The following TFG variants were observed in gnomAD, a reference collection of about 807,000 sequenced individuals.
TFG encodes the protein trafficking from ER to golgi regulator.
In TFG, 22 loss-of-function variants were observed where a neutral mutation model predicts 51.4. That is an observed-to-expected ratio of 0.43 (90% CI 0.31 to 0.61). TFG has a LOEUF of 0.61. Among genes scored for constraint, TFG ranks in the 20% least tolerant of loss-of-function variants. The pLI, the probability that TFG is intolerant of heterozygous loss-of-function variation, is 0.12. For synonymous variants in TFG, 187 were observed against 165.6 expected (o/e 1.13, Z -0.99); for missense variants, 419 against 487.7 (o/e 0.86, Z 1.33).
chr3:100,736,893 A>C (rs546337896), intron 6 of TFG, among the ~76,000 whole-genome samples, 177 bp downstream of exon 6: 2 of 152,302 alleles, frequency 1.3e-5, no homozygotes, highest in East Asian at 3.9e-4. Flanking sequence ...GTATGTTTCC[A>C]ATTATTGGAA....
At position 100,744,902 on chromosome 3, in the gene TFG, A is replaced by G; in HGVS notation, c.791A>G (p.Gln264Arg). The change falls in exon 7 of 8, where the codon CAG becomes CGG. Residue 264 changes from glutamine (Q) to arginine (R), a missense_variant. Transcript: ENST00000240851. ...CAGCAGCCGCAGGCTCCACCTCAGC[A>G]GCCTCAACAGTATGGTATTCAGTAT... The part of the protein sequence containing the change: ...GAQQPQAPPQ[Q>R]PQQYGIQYSA... 2 of 1,613,614 alleles carry G rather than the reference A, an allele frequency of 1.2e-6. No homozygotes were observed. Among genetic ancestry groups the G allele is most frequent in the Non-Finnish European group, 1.7e-6 (2 of 1,179,632 alleles).
At chr3:100,713,619 A>T in intron 1 of TFG, 24 bp from the exon 2 acceptor site, 1 of 1,207,356 alleles carries the variant, frequency 8.3e-7, no homozygotes, top group Non-Finnish European at 1.1e-6. Flanking sequence ...TTTGTTGTTT[A>T]ATTATCAAAA....
intron 3 of TFG, among the ~76,000 whole-genome samples, chr3:100,722,834 T>C (rs1447696999): frequency 1.3e-5 from 2 of 152,258 alleles, no homozygotes; most frequent in Admixed American, 6.5e-5. Context: ...TTACCACTCA[T>C]GGACCCTTGT....
chr3:100,733,768 G>C (rs2095098293), intron 5 of TFG, among the ~76,000 whole-genome samples: 1 of 152,154 alleles, frequency 6.6e-6, no homozygotes, highest in Non-Finnish European at 1.5e-5. Flanking sequence ...GATCTAGCAG[G>C]GAGTTGATTT....
intron 3 of TFG, among the ~76,000 whole-genome samples, chr3:100,722,284 G>C (rs1395532422): frequency 6.6e-6 from 1 of 152,208 alleles, no homozygotes; most frequent in Non-Finnish European, 1.5e-5. Context: ...AATACTAAGT[G>C]GATAGGTTAA....
At chr3:100,709,838 G>C (rs575881992) in intron 1 of TFG, 117 bp downstream of exon 1, 2,032 of 141,696 alleles carry the variant, frequency 0.014, 25 homozygotes, top group South Asian at 0.026. Context: ...GGCACTGTGG[G>C]AAGGGGCTGG....
chr3:100,724,967 G>A (rs1252659791), intron 3 of TFG, among the ~76,000 whole-genome samples: 4 of 152,162 alleles, frequency 2.6e-5, no homozygotes, highest in African/African-American at 9.7e-5. Flanking sequence ...GCAGTGGTGC[G>A]ATCTCAGCTC....
intron 1 of TFG, chr3:100,710,187 C>G (rs1021168236): frequency 3.3e-5 from 5 of 152,184 alleles, no homozygotes; most frequent in African/African-American, 1.2e-4. Flanking sequence ...GAATCGGAGC[C>G]TAGTTCCTTG....
chr3:100,723,627 T>G (rs552679536), intron 3 of TFG, among the ~76,000 whole-genome samples: 2 of 152,164 alleles, frequency 1.3e-5, no homozygotes, highest in Admixed American at 1.3e-4. Context: ...GTAGTAATAG[T>G]CACTTTATGA....
intron 7 of TFG, among the ~76,000 whole-genome samples, chr3:100,746,223 C>T (rs1008866410): frequency 7.9e-5 from 12 of 152,086 alleles, no homozygotes; most frequent in Admixed American, 4.6e-4. Context: ...CATTTAATCT[C>T]GGGATTTCGG....
chr3:100,743,020 C>G (rs2095125493), intron 6 of TFG: 1 of 152,062 alleles, frequency 6.6e-6, no homozygotes, highest in South Asian at 2.1e-4. Context: ...TTAATCTCAG[C>G]CTTTTTTGAT....
intron 5 of TFG, among the ~76,000 whole-genome samples, chr3:100,736,010 AAAT>A (rs2095105321): frequency 2.0e-5 from 3 of 152,238 alleles, no homozygotes; most frequent in African/African-American, 7.2e-5. Context: ...ATTGGATTTT[AAAT>A]AATGTTATAT....
chr3:100,732,803 A>C, intron 5 of TFG, 131 bp downstream of exon 5: 2 of 703,408 alleles, frequency 2.8e-6, no homozygotes, highest in Middle Eastern at 2.5e-4. Context: ...TCTGCTTAAC[A>C]AATTTTTACA....
intron 3 of TFG, among the ~76,000 whole-genome samples, chr3:100,723,151 A>G (rs2149070766): frequency 6.6e-6 from 1 of 152,308 alleles, no homozygotes; most frequent in South Asian, 2.1e-4. Flanking sequence ...ATACTGGGCA[A>G]TAATATGTAA....
At chr3:100,719,259 A>G (rs908673039) in intron 2 of TFG, among the ~76,000 whole-genome samples, 3 of 152,182 alleles carry the variant, frequency 2.0e-5, no homozygotes, top group Non-Finnish European at 4.4e-5. Context: ...CACCCTGCAG[A>G]GGTCCCTGAT....
intron 2 of TFG, among the ~76,000 whole-genome samples, chr3:100,716,362 G>C (rs1005241875): frequency 1.3e-5 from 2 of 152,162 alleles, no homozygotes; most frequent in Non-Finnish European, 2.9e-5. Flanking sequence ...TGCTGTGAAT[G>C]ACAGGACTTC....
intron 7 of TFG, among the ~76,000 whole-genome samples, chr3:100,745,595 A>G (rs1388933680): frequency 6.6e-6 from 1 of 152,164 alleles, no homozygotes; most frequent in African/African-American, 2.4e-5. Flanking sequence ...TAATTCCAGT[A>G]TTTTTTACAG....
Position 100,738,889 on chromosome 3 carries a change from C to T in TFG, c.721+2173C>T, listed in dbSNP as rs138915064. Among the ~76,000 whole-genome samples, 913 of 152,248 alleles carry T rather than the reference C, an allele frequency of 6.0e-3. 13 individuals are homozygous for T. Among genetic ancestry groups the T allele is most frequent in the African/African-American group, 0.021 (866 of 41,544 alleles). On this transcript the variant is annotated intron_variant, in intron 6 of 7. Transcript: ENST00000240851. Reference sequence around the variant, plus strand: ...ATTTTATTTAGCCTAATGTATCCAACGTGTACTCACTATTAAAAAGTTAAT... The same window carrying T: ...ATTTTATTTAGCCTAATGTATCCAATGTGTACTCACTATTAAAAAGTTAAT...
Position 100,713,796 on chromosome 3 carries a change from G to A in TFG, c.111G>A (p.Val37=). 6.2e-7 allele frequency: 1 copy of A among 1,605,724 alleles called. No individual in the cohort carries two copies. Among genetic ancestry groups the A allele is most frequent in the Non-Finnish European group, 8.5e-7 (1 of 1,174,252 alleles). The change falls in exon 2 of 8, where the codon GTG becomes GTA. Residue 37 remains valine (V), a synonymous_variant. Transcript: ENST00000240851. Reference sequence around the variant, plus strand: ...AAGATATTACTTATGATGAATTAGTGCTAATGATGCAACGAGTTTTCAGAG... The same window carrying A: ...AAGATATTACTTATGATGAATTAGTACTAATGATGCAACGAGTTTTCAGAG... The part of the protein sequence containing the change: ...HNEDITYDEL[V]LMMQRVFRGK...
Sources: gnomAD v4.1 joint callset for allele counts (sites outside exome capture counted in the v4.1 genomes callset) on GRCh38, gnomAD v4.1.1 for gene constraint, MANE v1.5 for transcripts, NCBI Gene and HGNC (gene_info 2026-07-23, HGNC 2026-07-21) for gene names.